SPAST: variants seen among roughly 807,000 people sequenced by gnomAD.
SPAST encodes spastin, also known as spastic paraplegia 4 (autosomal dominant; spastin).
A neutral mutation model predicts 76.6 loss-of-function variants in SPAST; 30 were observed. The ratio of observed to expected loss-of-function variants is 0.39; its 90% CI spans 0.29 to 0.53. The LOEUF (loss-of-function observed/expected upper bound fraction) is 0.53, where lower values mean the gene tolerates loss of function less well. Among genes scored for constraint, SPAST ranks in the 20% least tolerant of loss-of-function variants. The pLI, the probability that SPAST is intolerant of heterozygous loss-of-function variation, is 0.68. For synonymous variants in SPAST, 305 were observed against 281.0 expected, an observed-to-expected ratio of 1.09 and a Z score of -0.86; for missense variants, 717 against 770.5, an observed-to-expected ratio of 0.93 and a Z score of 0.82.
At chr2:32,070,221 A>G (rs1407849445) in intron 1 of SPAST, among the ~76,000 whole-genome samples, 6 of 151,754 alleles carry the variant, frequency 4.0e-5, no homozygotes, top group Non-Finnish European at 7.4e-5. Context: ...GTGCACCACT[A>G]TGCCTGGCTA....
chr2:32,098,955 C>T, intron 4 of SPAST, 64 bp downstream of exon 4: 1 of 1,057,672 alleles, frequency 9.5e-7, no homozygotes, highest in Non-Finnish European at 1.5e-6. Flanking sequence ...TCTTACTTAA[C>T]CTGATAATGT....
chr2:32,076,532 A>C (rs1249879500), intron 1 of SPAST, among the ~76,000 whole-genome samples: 2 of 152,056 alleles, frequency 1.3e-5, no homozygotes, highest in African/African-American at 4.8e-5. Context: ...TTTTTTACCA[A>C]ATTATAGTAG....
intron 1 of SPAST, among the ~76,000 whole-genome samples, chr2:32,084,649 G>T (rs1677397096): frequency 6.6e-6 from 1 of 151,668 alleles, no homozygotes; most frequent in Non-Finnish European, 1.5e-5. Context: ...ACTTTTGGAG[G>T]CTGAGGCGGG....
chr2:32,140,256 T>G (rs1318827689), intron 12 of SPAST, among the ~76,000 whole-genome samples: 1 of 152,226 alleles, frequency 6.6e-6, no homozygotes, highest in Admixed American at 6.5e-5. Context: ...CCTTGGTGGT[T>G]TTTTATTCAT....
intron 4 of SPAST, among the ~76,000 whole-genome samples, chr2:32,110,616 G>C (rs1348311637): frequency 2.3e-5 from 3 of 129,782 alleles, no homozygotes; most frequent in Non-Finnish European, 3.2e-5. Flanking sequence ...ATACTATATA[G>C]TGTATATATA....
chr2:32,135,010 T>C (rs1429314026), intron 9 of SPAST, among the ~76,000 whole-genome samples: 1 of 151,758 alleles, frequency 6.6e-6, no homozygotes, highest in Non-Finnish European at 1.5e-5. Context: ...GCGTAACTTT[T>C]ACATCCTGAA....
chr2:32,065,571 G>A (rs1445752887), intron 1 of SPAST, among the ~76,000 whole-genome samples: 1 of 152,146 alleles, frequency 6.6e-6, no homozygotes, highest in East Asian at 1.9e-4. Context: ...GAAAATAAGT[G>A]AAATTAGGAG....
chr2:32,085,433 G>A (rs1409016034), intron 1 of SPAST, among the ~76,000 whole-genome samples: 1 of 151,970 alleles, frequency 6.6e-6, no homozygotes, highest in African/African-American at 2.4e-5. Context: ...CCCAAGCTGG[G>A]CTTGAGCTCC....
chr2:32,083,399 A>G (rs1337467477), intron 1 of SPAST, among the ~76,000 whole-genome samples: 1 of 152,008 alleles, frequency 6.6e-6, no homozygotes, highest in Non-Finnish European at 1.5e-5. Context: ...AGAAACTACC[A>G]AACTGTTTTT....
chr2:32,095,785 A>G (rs1384568061), intron 3 of SPAST, among the ~76,000 whole-genome samples: 1 of 152,108 alleles, frequency 6.6e-6, no homozygotes, highest in Non-Finnish European at 1.5e-5. Context: ...ATGTCAGGAA[A>G]ATGTGATGAC....
chr2:32,091,880 T>A (rs1677733885), intron 3 of SPAST, among the ~76,000 whole-genome samples: 1 of 151,900 alleles, frequency 6.6e-6, no homozygotes, highest in African/African-American at 2.4e-5. Context: ...AATAAAGTGC[T>A]GGGATTACAG....
At chr2:32,087,631 T>A (rs7561519) in intron 2 of SPAST, 53 bp downstream of exon 2, 2 of 752,438 alleles carry the variant, frequency 2.7e-6, no homozygotes, top group African/African-American at 3.6e-5. Context: ...TTCACATGAT[T>A]GTCCAGATTT....
chr2:32,092,427 C>T (rs553037987), intron 3 of SPAST, among the ~76,000 whole-genome samples: 10 of 152,216 alleles, frequency 6.6e-5, no homozygotes, highest in African/African-American at 2.4e-4. Context: ...CATTTTGTAA[C>T]ATCTTTCAAA....
In SPAST at chr2:32,098,781, T is replaced by G. The variant is rs754140972; in HGVS notation, c.587-15T>G. ...TTGTTTATTTTTTCTGTTTTTTACCTTCTCTGTTGCATAGAGAAGATGCAA... is the reference window on the plus strand; with the variant it reads ...TTGTTTATTTTTTCTGTTTTTTACCGTCTCTGTTGCATAGAGAAGATGCAA... On this transcript the variant is annotated splice_polypyrimidine_tract_variant and intron_variant, in intron 3 of 16. Coordinates refer to ENST00000315285, the MANE Select transcript of SPAST (RefSeq NM_014946.4). 2.6e-6 allele frequency: 4 copies of G among 1,559,088 alleles called. No individual in the cohort carries two copies. The highest frequency in any genetic ancestry group is 3.5e-6 in the Non-Finnish European group (4 of 1,130,168).
intron 7 of SPAST, among the ~76,000 whole-genome samples, chr2:32,121,049 T>A (rs1017098429): frequency 5.9e-5 from 9 of 152,332 alleles, no homozygotes; most frequent in African/African-American, 1.9e-4. Context: ...TTCCCAAAGC[T>A]TTTTGGATCT....
chr2:32,112,577 A>T (rs1294826241), intron 4 of SPAST, among the ~76,000 whole-genome samples: 11 of 151,014 alleles, frequency 7.3e-5, no homozygotes, highest in Admixed American at 2.6e-4. Context: ...CAAACTCCTG[A>T]CCTTGTGATC....
At chr2:32,123,142 A>G (rs1277674607) in intron 7 of SPAST, among the ~76,000 whole-genome samples, 4 of 151,984 alleles carry the variant, frequency 2.6e-5, no homozygotes, top group African/African-American at 9.7e-5. Flanking sequence ...GGTGCCTGTA[A>G]TCTCAGCTAC....
intron 12 of SPAST, among the ~76,000 whole-genome samples, chr2:32,139,666 A>G (rs7596656): frequency 0.12 from 18,461 of 151,862 alleles, 1,292 homozygotes; most frequent in Middle Eastern, 0.25. Context: ...CGTCTCTACT[A>G]AAAATACAAA....
intron 16 of SPAST, 134 bp downstream of exon 16, chr2:32,147,392 G>C: frequency 1.7e-6 from 1 of 572,688 alleles, no homozygotes; most frequent in South Asian, 2.2e-5. Flanking sequence ...GCATGATATC[G>C]GCTCACTGCA....
Sources: allele counts gnomAD v4.1 joint callset (sites outside exome capture counted in the v4.1 genomes callset), GRCh38; gene constraint gnomAD v4.1.1; transcripts MANE v1.5; gene names NCBI Gene and HGNC (gene_info 2026-07-23, HGNC 2026-07-21).